TRAK2: variants seen among roughly 807,000 people sequenced by gnomAD.
TRAK2 encodes trafficking kinesin protein 2, also known as trafficking kinesin-binding protein 2.
A neutral mutation model predicts 104.6 loss-of-function variants in TRAK2; 81 were observed. The ratio of observed to expected loss-of-function variants is 0.77; its 90% CI spans 0.65 to 0.93. TRAK2 has a LOEUF of 0.93. Among genes scored for constraint, TRAK2 ranks in the 40% least tolerant of loss-of-function variants. The pLI is 0.00. For missense variants in TRAK2, 1,002 were observed against 1,089.0 expected (o/e 0.92, Z 1.12); for synonymous variants, 406 against 394.4 (o/e 1.03, Z -0.35).
At chr2:201,384,301 T>C (rs1329941316) in intron 14 of TRAK2, 85 bp from the exon 15 acceptor site, 2 of 995,042 alleles carry the variant, frequency 2.0e-6, no homozygotes, top group African/African-American at 3.3e-5. Flanking sequence ...ATTAATAATA[T>C]AGCATTTATC....
chr2:201,387,606 C>A lies in TRAK2; in HGVS notation c.1696+97G>T, dbSNP rs1337470072. ...TTAAGGGATAAAAAGATCATCTGCA[C>A]ATAATGTTCCTATAATTAAGACACA... On this transcript the variant is annotated intron_variant, in intron 13 of 15. Transcript: ENST00000332624. 3.2e-6 allele frequency: 4 copies of A among 1,269,124 alleles called. No homozygotes were observed. In the African/African-American group the frequency reaches 6.0e-5, roughly 19 times the overall value. 78.6% of individuals were successfully genotyped at this position (1,269,124 alleles called of 1,614,324 possible).
intron 2 of TRAK2, chr2:201,413,232 T>A (rs904464681): frequency 4.9e-6 from 7 of 1,415,196 alleles, no homozygotes; most frequent in Middle Eastern, 3.5e-4. Context: ...AGTGACAGGA[T>A]TTCTCATTAC....
rs771812770 is a variant in TRAK2 at position 201,397,580 on chromosome 2, C to T, written c.691G>A (p.Ala231Thr). 2 of 1,609,308 alleles carry T rather than the reference C, an allele frequency of 1.2e-6. No individual in the cohort carries two copies. The highest frequency in any genetic ancestry group is 1.7e-6 in the Non-Finnish European group (2 of 1,176,890). ...EEENMALRSK[A>T]CHIKTETVTY... Reference sequence around the variant, plus strand: ...ACAGTTTCTGTCTTTATGTGACAAGCCTTCAAGAAAAAAATCAGTATGTGA... The same window carrying T: ...ACAGTTTCTGTCTTTATGTGACAAGTCTTCAAGAAAAAAATCAGTATGTGA... The change falls in exon 7 of 16, where the codon GCT becomes ACT. Residue 231 changes from alanine (A) to threonine (T), a missense_variant and splice_region_variant. Ala to Thr is a moderately conservative substitution (Grantham distance 58). Coordinates refer to ENST00000332624, the MANE Select transcript of TRAK2 (RefSeq NM_015049.3).
chr2:201,390,466 A>T (rs1346292697), intron 10 of TRAK2, among the ~76,000 whole-genome samples: 1 of 148,732 alleles, frequency 6.7e-6, no homozygotes, highest in East Asian at 2.0e-4. Context: ...CGGGAGGCTG[A>T]GGCAGGAGAA....
chr2:201,398,319 A>G lies in TRAK2; in HGVS notation c.516T>C (p.Asp172=), dbSNP rs752361510. Residue 172 remains aspartate (D), a synonymous_variant, in exon 6 of 16, where the codon GAT becomes GAC. Transcript: ENST00000332624. ...NQLQHELCKK[D]ELLRIVSIAS... ...CAATGGAGACGATTCGAAGTAACTC[A>G]TCTTTCTTGCATAGCTCATGCTGCA... 8.1e-6 allele frequency: 13 copies of G among 1,612,948 alleles called. No individual in the cohort carries two copies. The highest frequency in any genetic ancestry group is 1.3e-5 in the African/African-American group (1 of 75,010).
chr2:201,396,388 G>A (rs2125645253), intron 7 of TRAK2, among the ~76,000 whole-genome samples: 1 of 152,268 alleles, frequency 6.6e-6, no homozygotes, highest in South Asian at 2.1e-4. Context: ...ATGAATTGAT[G>A]TGATATTTTC....
At chr2:201,391,131 A>G (rs1951444749) in intron 10 of TRAK2, among the ~76,000 whole-genome samples, 1 of 152,202 alleles carries the variant, frequency 6.6e-6, no homozygotes, top group Non-Finnish European at 1.5e-5. Context: ...CAATTCTTCA[A>G]TAAAAGTAAC....
intron 1 of TRAK2, among the ~76,000 whole-genome samples, chr2:201,444,113 A>G (rs957536117): frequency 6.6e-6 from 1 of 152,098 alleles, no homozygotes; most frequent in African/African-American, 2.4e-5. Flanking sequence ...AGGCAGGAGA[A>G]TCGCTTGAAC....
chr2:201,393,034 G>C lies in TRAK2; in HGVS notation c.988C>G (p.Gln330Glu), dbSNP rs374164388. 7 of 1,610,460 alleles carry C rather than the reference G, an allele frequency of 4.3e-6. No individual in the cohort carries two copies. The highest frequency in any genetic ancestry group is 5.9e-6 in the Non-Finnish European group (7 of 1,178,166). Residue 330 changes from glutamine to glutamate, a missense_variant, in exon 10 of 16, where the codon CAA becomes GAA. Coordinates refer to ENST00000332624, the MANE Select transcript of TRAK2 (RefSeq NM_015049.3). Reference protein sequence around the residue: ...RQLTMELHELQDRNMECLGML... With the variant: ...RQLTMELHELEDRNMECLGML... ...CCTAGACACTCCATATTCCTGTCTT[G>C]TAACTCGTGCAGCTAAAAGAAAGGA...
intron 10 of TRAK2, among the ~76,000 whole-genome samples, chr2:201,391,707 C>T (rs1463843326): frequency 6.6e-6 from 1 of 152,148 alleles, no homozygotes; most frequent in Non-Finnish European, 1.5e-5. Flanking sequence ...ATACCACCTG[C>T]AATGGGCTAA....
chr2:201,444,033 T>G (rs1048193230), intron 1 of TRAK2, among the ~76,000 whole-genome samples: 7 of 151,912 alleles, frequency 4.6e-5, no homozygotes, highest in South Asian at 2.1e-4. Context: ...AAACCCCATC[T>G]CTACAAAAAC....
chr2:201,418,979 A>C (rs1487713116), intron 2 of TRAK2, among the ~76,000 whole-genome samples: 1 of 152,238 alleles, frequency 6.6e-6, no homozygotes, highest in East Asian at 1.9e-4. Flanking sequence ...CAAAGGACTT[A>C]CATCTAGAAC....
chr2:201,451,421 AAGC>A lies in TRAK2; in HGVS notation c.-274_-272del, dbSNP rs1366172705. ...AGCCCCTAATGCAGCGGCAGCCTGAAAGCAGCAGCCGAAGCTGCTGCCGCTGCT... is the reference window on the plus strand; with the variant it reads ...AGCCCCTAATGCAGCGGCAGCCTGAAAGCAGCCGAAGCTGCTGCCGCTGCT... On this transcript the variant is annotated 5_prime_UTR_variant, in exon 1 of 16. Transcript: ENST00000332624. 2.6e-5 allele frequency: 4 copies of A among 152,198 alleles called. No homozygotes were observed. Among genetic ancestry groups the A allele is most frequent in the Non-Finnish European group, 4.4e-5 (3 of 68,042 alleles). 9.4% of individuals were successfully genotyped at this position (152,198 alleles called of 1,614,324 possible).
chr2:201,412,470 C>T, intron 2 of TRAK2: 3 of 1,159,426 alleles, frequency 2.6e-6, no homozygotes, highest in Non-Finnish European at 3.9e-6. Context: ...ACTGATCCAA[C>T]TGCCTACTGA....
Position 201,378,750 on chromosome 2 carries a change from A to T in TRAK2, c.*1793T>A, listed in dbSNP as rs539817737. Reference sequence around the variant, plus strand: ...TGAAGGGGAACGAAAGGGAGAGACCATCTTCACCCTTTGTTTTTGTGGAAT... The same window carrying T: ...TGAAGGGGAACGAAAGGGAGAGACCTTCTTCACCCTTTGTTTTTGTGGAAT... On this transcript the variant is annotated 3_prime_UTR_variant, in exon 16 of 16. Coordinates refer to ENST00000332624, the MANE Select transcript of TRAK2 (RefSeq NM_015049.3). 1 of 152,206 alleles carries T rather than the reference A, an allele frequency of 6.6e-6. No homozygotes were observed. The highest frequency in any genetic ancestry group is 6.5e-5 in the Admixed American group (1 of 15,278). The allele number at this position is 152,206 out of a possible 1,614,324, so 9.4% of individuals were successfully genotyped here.
At chr2:201,438,859 G>A (rs1205046047) in intron 1 of TRAK2, among the ~76,000 whole-genome samples, 1 of 152,200 alleles carries the variant, frequency 6.6e-6, no homozygotes, top group Non-Finnish European at 1.5e-5. Flanking sequence ...TGTGTTGTAT[G>A]TACATCACAC....
At position 201,388,021 on chromosome 2, in the gene TRAK2, A is replaced by G. The variant is rs370234061; in HGVS notation, c.1398-20T>C. ...GAGCTCCTATAGGAAAATCGCGTTC[A>G]CTGATTAGATCTTGAGGATCATCAG... is the stretch of plus-strand genomic sequence containing the variant. On this transcript the variant is annotated intron_variant, in intron 12 of 15. Coordinates refer to ENST00000332624, the MANE Select transcript of TRAK2 (RefSeq NM_015049.3). 2.2e-5 allele frequency: 35 copies of G among 1,613,310 alleles called. No homozygotes were observed. Among genetic ancestry groups the G allele is most frequent in the African/African-American group, 2.7e-5 (2 of 74,922 alleles).
intron 2 of TRAK2, among the ~76,000 whole-genome samples, chr2:201,418,870 A>T (rs544935854): frequency 3.3e-4 from 51 of 152,306 alleles, no homozygotes; most frequent in African/African-American, 1.2e-3. Context: ...GCAAAAACTG[A>T]TAACTCCATC....
At chr2:201,446,124 A>G (rs767799912) in intron 1 of TRAK2, among the ~76,000 whole-genome samples, 3 of 151,878 alleles carry the variant, frequency 2.0e-5, no homozygotes, top group African/African-American at 7.3e-5. Flanking sequence ...AAACCTTACA[A>G]CTTCTCTTGC....
Sources: gnomAD v4.1 joint callset for allele counts (sites outside exome capture counted in the v4.1 genomes callset) on GRCh38, gnomAD v4.1.1 for gene constraint, MANE v1.5 for transcripts, NCBI Gene and HGNC (gene_info 2026-07-23, HGNC 2026-07-21) for gene names.